Variants in SARNP observed in about 807,000 individuals in gnomAD.
SARNP encodes SAP domain-containing ribonucleoprotein.
SARNP carries 5 observed loss-of-function variants against 38.1 expected under a neutral mutation model. That is an observed-to-expected ratio of 0.13 (90% confidence interval 0.07 to 0.28). SARNP has a LOEUF of 0.28. Among genes scored for constraint, SARNP ranks in the 10% least tolerant of loss-of-function variants. The pLI is 1.00. For synonymous variants in SARNP, 84 were observed against 80.6 expected, an observed-to-expected ratio of 1.04 and a Z score of -0.23; for missense variants, 180 against 243.9, an observed-to-expected ratio of 0.74 and a Z score of 1.75.
chr12:55,811,436 T>C (rs1279197229), intron 1 of SARNP, among the ~76,000 whole-genome samples: 2 of 152,120 alleles, frequency 1.3e-5, no homozygotes, highest in Non-Finnish European at 2.9e-5. Context: ...TGTGGTGGTG[T>C]GCCCCTGTAG....
intron 9 of SARNP, among the ~76,000 whole-genome samples, chr12:55,771,467 G>A (rs899129994): frequency 1.3e-5 from 2 of 152,096 alleles, no homozygotes; most frequent in African/African-American, 4.8e-5. Flanking sequence ...ACTGTTCCTG[G>A]TCAAGTGTAA....
At chr12:55,812,726 C>G (rs186117886) in intron 1 of SARNP, among the ~76,000 whole-genome samples, 2 of 152,348 alleles carry the variant, frequency 1.3e-5, no homozygotes, top group Admixed American at 1.3e-4. Context: ...TCTATAAATA[C>G]TTGAAATTCT....
At chr12:55,777,846 G>A (rs1879227560) in intron 9 of SARNP, among the ~76,000 whole-genome samples, 1 of 152,204 alleles carries the variant, frequency 6.6e-6, no homozygotes, top group South Asian at 2.1e-4. Flanking sequence ...GTTGAATTTA[G>A]AATACATTGT....
At chr12:55,760,454 A>G (rs1878641167) in intron 10 of SARNP, 97 bp downstream of exon 10, 2 of 740,722 alleles carry the variant, frequency 2.7e-6, no homozygotes, top group African/African-American at 3.6e-5. Context: ...GTAAATAAAT[A>G]AATAAATAAA....
chr12:55,760,318 G>A lies in SARNP; in HGVS notation c.591+233C>T, dbSNP rs1331862614. The A allele has an allele frequency of 1.9e-5, 10 of 521,184 alleles. No individual in the cohort carries two copies. In the East Asian group the frequency reaches 3.0e-4, roughly 15 times the overall value. The allele number at this position is 521,184 out of a possible 1,614,324, so 32.3% of individuals were successfully genotyped here. A position where few individuals can be genotyped will look rare whatever the true frequency, so the allele number is the denominator to read the frequency against. On this transcript the variant is annotated intron_variant, in intron 10 of 10. Coordinates refer to ENST00000336133, the MANE Select transcript of SARNP (RefSeq NM_033082.4). ...GAGTTTGAGACCAGCCTGAGCAACAGAATGAGACCCCATCTCTACTTAAAT... is the reference window on the plus strand; with the variant it reads ...GAGTTTGAGACCAGCCTGAGCAACAAAATGAGACCCCATCTCTACTTAAAT...
intron 9 of SARNP, among the ~76,000 whole-genome samples, chr12:55,780,921 C>T (rs1044995943): frequency 3.0e-4 from 46 of 152,188 alleles, no homozygotes; most frequent in African/African-American, 9.4e-4. Flanking sequence ...TATTTTAGGA[C>T]TGTGGTTGAC....
intron 7 of SARNP, chr12:55,794,137 CA>C: frequency 1.9e-6 from 1 of 528,648 alleles, no homozygotes. Context: ...AAAAGACAGA[CA>C]AATGTTGGCA....
chr12:55,806,684 C>T (rs1161613899), intron 1 of SARNP, among the ~76,000 whole-genome samples: 1 of 152,090 alleles, frequency 6.6e-6, no homozygotes, highest in African/African-American at 2.4e-5. Flanking sequence ...GGACTACAGG[C>T]GCATGCCACC....
In SARNP at chr12:55,778,119, GAGTT is replaced by G. The variant is rs1565674636; in HGVS notation, c.501+10952_501+10955del. ...GATGATGGAATAAACTGAGGTCAGA[GAGTT>G]TCCCCCATTGTTTCCTCTTTTTTTT... is the stretch of plus-strand genomic sequence containing the variant. On this transcript the variant is annotated intron_variant, in intron 9 of 10. Transcript: ENST00000336133. 1.6e-3 allele frequency among the ~76,000 whole-genome samples: 237 copies of G among 152,202 alleles called. 1 individual carries two copies. The highest frequency in any genetic ancestry group is 5.6e-3 in the African/African-American group (231 of 41,532).
intron 6 of SARNP, 74 bp from the exon 7 acceptor site, chr12:55,794,461 T>G: frequency 7.9e-7 from 1 of 1,260,784 alleles, no homozygotes; most frequent in Non-Finnish European, 1.1e-6. Flanking sequence ...GTGTCAAGTA[T>G]ACATATGACA....
At chr12:55,788,534 C>T (rs1331430237) in intron 9 of SARNP, among the ~76,000 whole-genome samples, 4 of 152,154 alleles carry the variant, frequency 2.6e-5, no homozygotes, top group Non-Finnish European at 4.4e-5. Context: ...CAGTGGCTCA[C>T]GCCTGTAATC....
chr12:55,779,310 G>A (rs1879275509), intron 9 of SARNP, among the ~76,000 whole-genome samples: 1 of 152,198 alleles, frequency 6.6e-6, no homozygotes, highest in Non-Finnish European at 1.5e-5. Flanking sequence ...ATGGCTGAGG[G>A]AGCCTACGTT....
chr12:55,757,309 C>A lies in SARNP; in HGVS notation c.*203G>T, dbSNP rs1041806171. 4.9e-6 allele frequency: 2 copies of A among 407,642 alleles called. No individual in the cohort carries two copies. The highest frequency in any genetic ancestry group is 6.5e-5 in the South Asian group (1 of 15,450). The allele number at this position is 407,642 out of a possible 1,614,324, so 25.3% of individuals were successfully genotyped here. A position where few individuals can be genotyped will look rare whatever the true frequency, so the allele number is the denominator to read the frequency against. On this transcript the variant is annotated 3_prime_UTR_variant, in exon 11 of 11. Transcript: ENST00000336133. ...TTTTTTTATTAACAAGCAACATAAT[C>A]AAAAACAAAAACACAACAACCTTAA...
At chr12:55,763,392 G>A (rs1878735019) in intron 9 of SARNP, among the ~76,000 whole-genome samples, 1 of 151,312 alleles carries the variant, frequency 6.6e-6, no homozygotes, top group South Asian at 2.1e-4. Context: ...GCTCAATGCA[G>A]TCTCCACCTT....
intron 1 of SARNP, among the ~76,000 whole-genome samples, chr12:55,813,669 C>G (rs1204118162): frequency 6.6e-6 from 1 of 151,960 alleles, no homozygotes. Flanking sequence ...CTCAGCCCCC[C>G]GAGTAGCTGG....
At chr12:55,793,408 T>TACAATTCAACCAGAGA (rs1432550730) in intron 7 of SARNP, 1 of 152,108 alleles carries the variant, frequency 6.6e-6, no homozygotes, top group Non-Finnish European at 1.5e-5. Context: ...GATAAGAGTA[T>TACAATTCAACCAGAGA]TAACAATTTA....
chr12:55,812,841 T>G (rs758739397), intron 1 of SARNP, among the ~76,000 whole-genome samples: 1 of 152,254 alleles, frequency 6.6e-6, no homozygotes, highest in Non-Finnish European at 1.5e-5. Flanking sequence ...TTATCAAGTA[T>G]TATCTTGGAT....
Position 55,803,716 on chromosome 12 carries a change from T to G in SARNP, c.49A>C (p.Lys17Gln). Residue 17 changes from lysine to glutamine, a missense_variant, in exon 2 of 11, where the codon AAG (lysine) becomes CAG (glutamine). By Grantham distance (53) the Lys-to-Gln change is moderately conservative (BLOSUM62 1). Coordinates refer to ENST00000336133, the MANE Select transcript of SARNP (RefSeq NM_033082.4). ...ELHKLKLAEL[K>Q]QECLARGLET... The stretch of plus-strand genomic sequence containing the variant: ...AAACCACGAGCAAGACATTCTTGCT[T>G]TAGTTCGGCAAGCTGAGGGGAAAAA... 1 of 1,612,760 alleles carries G rather than the reference T, an allele frequency of 6.2e-7. No homozygotes were observed. Among genetic ancestry groups the G allele is most frequent in the Non-Finnish European group, 8.5e-7 (1 of 1,178,978 alleles).
At chr12:55,778,828 G>C (rs1323284579) in intron 9 of SARNP, among the ~76,000 whole-genome samples, 1 of 152,016 alleles carries the variant, frequency 6.6e-6, no homozygotes, top group South Asian at 2.1e-4. Context: ...AAAATTAGCC[G>C]GGCATGGTGG....
Sources: gnomAD v4.1 joint callset for allele counts (sites outside exome capture counted in the v4.1 genomes callset) on GRCh38, gnomAD v4.1.1 for gene constraint, MANE v1.5 for transcripts, NCBI Gene and HGNC (gene_info 2026-07-23, HGNC 2026-07-21) for gene names.